NXPE4: variants seen among roughly 807,000 people sequenced by gnomAD.
NXPE4 encodes neurexophilin and PC-esterase domain family member 4.
In NXPE4, 42 loss-of-function variants were observed where a neutral mutation model predicts 33.3. That is an observed-to-expected ratio of 1.26 (90% CI 0.98 to 1.63). The LOEUF is 1.63. Ranked by LOEUF, NXPE4 falls within the 40% of genes most tolerant of loss-of-function variation. The pLI, the probability that NXPE4 is intolerant of heterozygous loss-of-function variation, is 0.00. For missense variants in NXPE4, 709 were observed against 647.6 expected, an observed-to-expected ratio of 1.09 and a Z score of -1.03; for synonymous variants, 253 against 234.9, an observed-to-expected ratio of 1.08 and a Z score of -0.71.
chr11:114,585,593 A>G (rs1231669641), intron 2 of NXPE4, among the ~76,000 whole-genome samples: 1 of 151,958 alleles, frequency 6.6e-6, no homozygotes, highest in Non-Finnish European at 1.5e-5. Context: ...AAATATATGT[A>G]CGTGTGTGTG....
chr11:114,627,805 A>G, the NXPE4 span, among the ~76,000 whole-genome samples: 1 of 151,980 alleles, frequency 6.6e-6, no homozygotes, highest in Non-Finnish European at 1.5e-5. Context: ...CATGGGCTCA[A>G]AATAAAAGGA....
At position 114,570,940 on chromosome 11, in the gene NXPE4, A is replaced by G. The variant is rs1157774360; in HGVS notation, c.1633T>C (p.Ter545GlnextTer12). ...TGAATTTCAGACTTTTGTGTTATTT[A>G]ACAAATATAGTTTAATAATATATTA... is the stretch of plus-strand genomic sequence containing the variant. Reference protein sequence around the residue: ...QINILLNYIC* With the variant: ...QINILLNYICQ The change falls in exon 6 of 6, where the codon TAA becomes CAA. Residue 545 changes from the stop codon to glutamine (Q), a stop_lost. Transcript: ENST00000375478. 3 of 1,565,520 alleles carry G rather than the reference A, an allele frequency of 1.9e-6. No individual in the cohort carries two copies. The highest frequency in any genetic ancestry group is 3.6e-5 in the Admixed American group (2 of 55,384).
intron 2 of NXPE4, chr11:114,583,759 G>A (rs1949212490): frequency 2.1e-6 from 1 of 481,422 alleles, no homozygotes; most frequent in South Asian, 1.7e-5. Flanking sequence ...ATCACCAGAG[G>A]GTGTTGTATG....
the NXPE4 span, among the ~76,000 whole-genome samples, chr11:114,624,583 T>C: frequency 6.6e-6 from 1 of 151,684 alleles, no homozygotes; most frequent in Non-Finnish European, 1.5e-5. Context: ...GTAACCACTG[T>C]TAACTGGTGG....
At chr11:114,669,334 T>C in the NXPE4 span, among the ~76,000 whole-genome samples, 1 of 152,082 alleles carries the variant, frequency 6.6e-6, no homozygotes, top group Non-Finnish European at 1.5e-5. Context: ...CATCTTCTCT[T>C]TCCAAGCCCA....
intron 2 of NXPE4, among the ~76,000 whole-genome samples, chr11:114,592,925 G>A (rs1001625811): frequency 6.6e-6 from 1 of 151,930 alleles, no homozygotes; most frequent in Non-Finnish European, 1.5e-5. Context: ...TACAATGGGG[G>A]AACAAAAGTA....
At chr11:114,612,425 G>A in the NXPE4 span, among the ~76,000 whole-genome samples, 1 of 151,738 alleles carries the variant, frequency 6.6e-6, no homozygotes. Context: ...GATAATAAGT[G>A]TTGCCTCGTG....
chr11:114,647,191 A>G, the NXPE4 span, among the ~76,000 whole-genome samples: 1 of 152,216 alleles, frequency 6.6e-6, no homozygotes, highest in Admixed American at 6.6e-5. Context: ...TATCACTGCT[A>G]TATTATTCAC....
chr11:114,654,864 T>C, the NXPE4 span, among the ~76,000 whole-genome samples: 1 of 152,212 alleles, frequency 6.6e-6, no homozygotes, highest in African/African-American at 2.4e-5. Context: ...TCAAATGGTA[T>C]TTCTGGTTCT....
At chr11:114,604,928 G>T in the NXPE4 span, among the ~76,000 whole-genome samples, 6 of 151,900 alleles carry the variant, frequency 3.9e-5, no homozygotes, top group Non-Finnish European at 8.8e-5. Context: ...TGCCTCTAGG[G>T]TACCCACTGT....
chr11:114,647,834 T>C, the NXPE4 span, among the ~76,000 whole-genome samples: 1 of 152,052 alleles, frequency 6.6e-6, no homozygotes, highest in Non-Finnish European at 1.5e-5. Flanking sequence ...TCTAAGTAGC[T>C]AAGATTACAG....
At position 114,570,629 on chromosome 11, in the gene NXPE4, C is replaced by G. The variant is rs1565325744; in HGVS notation, c.*309G>C. 8 of 199,296 alleles carry G rather than the reference C, an allele frequency of 4.0e-5. No individual in the cohort carries two copies. The South Asian group carries it at 1.3e-3, about 31-fold the overall frequency. The allele number at this position is 199,296 out of a possible 1,614,324, so 12.3% of individuals were successfully genotyped here. On this transcript the variant is annotated 3_prime_UTR_variant, in exon 6 of 6. Transcript: ENST00000375478. ...TTTTTATTTTAAAATTACTTTATCA[C>G]TCTGAGTTTTCATGCATCAGAGAGA...
At chr11:114,647,820 G>C in the NXPE4 span, among the ~76,000 whole-genome samples, 6 of 151,814 alleles carry the variant, frequency 4.0e-5, no homozygotes, top group African/African-American at 1.5e-4. Context: ...TCCTGCCTCA[G>C]CCTTCTAAGT....
the NXPE4 span, among the ~76,000 whole-genome samples, chr11:114,610,477 C>T: frequency 6.6e-6 from 1 of 151,712 alleles, no homozygotes; most frequent in Non-Finnish European, 1.5e-5. Flanking sequence ...TCTAGGGTAA[C>T]CACTGTTACC....
the NXPE4 span, among the ~76,000 whole-genome samples, chr11:114,615,156 T>G: frequency 6.6e-6 from 1 of 151,990 alleles, no homozygotes; most frequent in Non-Finnish European, 1.5e-5. Context: ...GTGTAACCAC[T>G]CTTACCAGGT....
chr11:114,611,192 C>T, the NXPE4 span, among the ~76,000 whole-genome samples: 19 of 151,660 alleles, frequency 1.3e-4, no homozygotes, highest in South Asian at 1.2e-3. Flanking sequence ...CACTGCTACC[C>T]GCTGGATAAT....
the NXPE4 span, among the ~76,000 whole-genome samples, chr11:114,638,525 G>A: frequency 3.7e-4 from 56 of 152,102 alleles, 1 homozygote; most frequent in Admixed American, 5.9e-4. Flanking sequence ...TGTTCCTTTC[G>A]AGGAGGAGAG....
At position 114,580,768 on chromosome 11, in the gene NXPE4, G is replaced by T. The variant is rs1248735524; in HGVS notation, c.893-430C>A. ...TATAAATCCTTTGAGTTAAATAAAG[G>T]TGATATAAAAAATATTAACAACTAG... On this transcript the variant is annotated intron_variant, in intron 4 of 5. Coordinates refer to ENST00000375478, the MANE Select transcript of NXPE4 (RefSeq NM_001077639.2). Among the ~76,000 whole-genome samples, 20 of 152,218 alleles carry T rather than the reference G, an allele frequency of 1.3e-4. No homozygotes were observed. In the South Asian group the frequency reaches 3.5e-3, roughly 27 times the overall value.
At chr11:114,612,898 G>A in the NXPE4 span, among the ~76,000 whole-genome samples, 5 of 151,570 alleles carry the variant, frequency 3.3e-5, no homozygotes, top group African/African-American at 1.2e-4. Flanking sequence ...TCACGGGTAA[G>A]CACTGTTACC....
Sources: allele counts gnomAD v4.1 joint callset (sites outside exome capture counted in the v4.1 genomes callset), GRCh38; gene constraint gnomAD v4.1.1; transcripts MANE v1.5; gene names NCBI Gene and HGNC (gene_info 2026-07-23, HGNC 2026-07-21).